RGS3: variants seen among roughly 807,000 people sequenced by gnomAD.
The protein encoded by RGS3 is regulator of G protein signaling 3.
A neutral mutation model predicts 132.6 loss-of-function variants in RGS3; 80 were observed. That is an observed-to-expected ratio of 0.60 (90% CI 0.50 to 0.73). The LOEUF (loss-of-function observed/expected upper bound fraction) is 0.73. Among genes scored for constraint, RGS3 ranks in the 30% least tolerant of loss-of-function variants. The pLI is 0.00. For synonymous variants in RGS3, 598 were observed against 620.6 expected (o/e 0.96, Z 0.54); for missense variants, 1,382 against 1,530.8 (o/e 0.90, Z 1.62).
intron 19 of RGS3, among the ~76,000 whole-genome samples, chr9:113,560,931 A>G (rs1244885903): frequency 1.3e-5 from 2 of 152,164 alleles, no homozygotes; most frequent in Non-Finnish European, 2.9e-5. Context: ...GATGAAAGCT[A>G]AGCAGCTTCT....
At chr9:113,467,031 G>A (rs1564452028) in intron 3 of RGS3, among the ~76,000 whole-genome samples, 1 of 151,754 alleles carries the variant, frequency 6.6e-6, no homozygotes, top group Non-Finnish European at 1.5e-5. Flanking sequence ...TTTAATCCAT[G>A]TTGTAGCAGA....
intron 19 of RGS3, among the ~76,000 whole-genome samples, chr9:113,577,712 C>G (rs1834597032): frequency 6.6e-6 from 1 of 152,192 alleles, no homozygotes; most frequent in African/African-American, 2.4e-5. Flanking sequence ...TGCTTCCTCC[C>G]CTAGTGAGCC....
chr9:113,520,925 TATC>T (rs746844245), intron 16 of RGS3, among the ~76,000 whole-genome samples: 23 of 152,190 alleles, frequency 1.5e-4, no homozygotes, highest in Non-Finnish European at 2.6e-4. Context: ...AGCACATTGG[TATC>T]TCTCTGTATA....
chr9:113,510,710 A>T (rs1215238442), intron 14 of RGS3, among the ~76,000 whole-genome samples: 2 of 152,214 alleles, frequency 1.3e-5, no homozygotes, highest in African/African-American at 4.8e-5. Context: ...GAGCACAGTT[A>T]TCTAAGCCAT....
At chr9:113,530,401 G>A (rs1832413508) in intron 18 of RGS3, among the ~76,000 whole-genome samples, 1 of 152,244 alleles carries the variant, frequency 6.6e-6, no homozygotes, top group South Asian at 2.1e-4. Flanking sequence ...GGGCCAAGAG[G>A]GCATTGGATG....
intron 3 of RGS3, among the ~76,000 whole-genome samples, chr9:113,475,134 A>T (rs935363496): frequency 4.6e-5 from 7 of 152,276 alleles, no homozygotes; most frequent in African/African-American, 1.7e-4. Context: ...TTTTCCTGCC[A>T]TATGGGGCCC....
intron 4 of RGS3, among the ~76,000 whole-genome samples, chr9:113,479,753 A>G (rs777105381): frequency 6.6e-6 from 1 of 152,188 alleles, no homozygotes; most frequent in Admixed American, 6.5e-5. Flanking sequence ...TGGAGTCCAC[A>G]TGGTAGACCT....
intron 3 of RGS3, among the ~76,000 whole-genome samples, chr9:113,478,106 T>G (rs1039860268): frequency 6.6e-6 from 1 of 152,104 alleles, no homozygotes; most frequent in African/African-American, 2.4e-5. Flanking sequence ...TTTAAAAAAT[T>G]TAAACAAAAA....
intron 20 of RGS3, among the ~76,000 whole-genome samples, chr9:113,589,448 G>A (rs1488369830): frequency 6.6e-6 from 1 of 152,210 alleles, no homozygotes; most frequent in Non-Finnish European, 1.5e-5. Context: ...AGGCTGCTAG[G>A]CTTGGGTCAG....
chr9:113,501,380 G>C (rs557914040), intron 10 of RGS3: 1 of 1,366,260 alleles, frequency 7.3e-7, no homozygotes, highest in Middle Eastern at 2.7e-4. Context: ...TGAGGTTTCA[G>C]GAAGCCTTCG....
chr9:113,561,513 A>T (rs906149328), intron 19 of RGS3, among the ~76,000 whole-genome samples: 4 of 151,716 alleles, frequency 2.6e-5, no homozygotes, highest in African/African-American at 9.7e-5. Context: ...CCTGGGCTCA[A>T]GCGATCCTCC....
rs748115847 is a variant in RGS3, at chr9:113,565,382, T to C, written c.2038-18068T>C. 6.0e-5 allele frequency: 77 copies of C among 1,287,904 alleles called. No individual in the cohort carries two copies. Among genetic ancestry groups the C allele is most frequent in the Non-Finnish European group, 7.7e-5 (76 of 987,990 alleles). The allele number at this position is 1,287,904 out of a possible 1,614,324, so 79.8% of individuals were successfully genotyped here. On this transcript the variant is annotated intron_variant, in intron 19 of 24. Coordinates refer to ENST00000350696, the Ensembl canonical transcript of RGS3. The surrounding 1 kb of genome is among the most constrained non-coding windows in gnomAD (Gnocchi z 5.7). ...CAGGGTGTGTGTTTGGGAAAGGCGC[T>C]GGAGGAGGAGGAAGAGGAGGAGGAC...
chr9:113,453,237 TG>T (rs1829298209), intron 1 of RGS3, among the ~76,000 whole-genome samples: 1 of 98,870 alleles, frequency 1.0e-5, no homozygotes, highest in Non-Finnish European at 1.9e-5. Context: ...ACTCATTATA[TG>T]ATTACATAAT....
chr9:113,592,393 G>A (rs1373930959), intron 21 of RGS3: 1 of 152,312 alleles, frequency 6.6e-6, no homozygotes, highest in Non-Finnish European at 1.5e-5. Flanking sequence ...GAGGTGTAGG[G>A]AAGCAGTGTG....
intron 20 of RGS3, among the ~76,000 whole-genome samples, chr9:113,585,954 G>A (rs146425705): frequency 5.9e-5 from 9 of 152,310 alleles, no homozygotes; most frequent in African/African-American, 9.6e-5. Flanking sequence ...ATCTGTAAGC[G>A]TGTGTGGTTC....
At chr9:113,453,051 T>G (rs1392175838) in intron 1 of RGS3, among the ~76,000 whole-genome samples, 5 of 134,562 alleles carry the variant, frequency 3.7e-5, no homozygotes, top group African/African-American at 1.4e-4. Flanking sequence ...TAATATATAA[T>G]ATATAAGTAT....
chr9:113,509,875 G>C (rs549513160), intron 14 of RGS3, among the ~76,000 whole-genome samples: 2 of 152,334 alleles, frequency 1.3e-5, no homozygotes, highest in African/African-American at 2.4e-5. Flanking sequence ...AGCCTGGTCA[G>C]TTGGAAATAA....
At chr9:113,592,925 A>G (rs1387169026) in intron 21 of RGS3, 1 of 152,124 alleles carries the variant, frequency 6.6e-6, no homozygotes, top group Non-Finnish European at 1.5e-5. Context: ...AATCTTTACC[A>G]CTACTTTTAT....
At chr9:113,504,903 G>C (rs978827392) in intron 10 of RGS3, 14 of 153,816 alleles carry the variant, frequency 9.1e-5, no homozygotes, top group Admixed American at 2.6e-4. Context: ...CAGAACCTCA[G>C]CTCTCTTCCT....
Sources: gnomAD v4.1 joint callset for allele counts (sites outside exome capture counted in the v4.1 genomes callset) on GRCh38, gnomAD v4.1.1 for gene constraint, Gnocchi (gnomAD v3.1) non-coding constraint, MANE v1.5 for transcripts, NCBI Gene and HGNC (gene_info 2026-07-23, HGNC 2026-07-21) for gene names.